The following TNKS variants were observed in gnomAD, a reference collection of about 807,000 sequenced individuals.
The protein encoded by TNKS is tankyrase, also known as poly [ADP-ribose] polymerase tankyrase-1.
In TNKS, 72 loss-of-function variants were observed where a neutral mutation model predicts 135.8. The observed-to-expected ratio is 0.53, with a 90% CI of 0.44 to 0.64. The LOEUF (loss-of-function observed/expected upper bound fraction) is 0.64. TNKS is among the 30% of genes least tolerant of loss of function. TNKS has a pLI of 0.00. For synonymous variants in TNKS, 849 were observed against 649.3 expected (o/e 1.31, Z -4.68); for missense variants, 1,769 against 1,674.0 (o/e 1.06, Z -0.99).
rs1344371806 is a variant in TNKS, at chr8:9,684,298, G to T, written c.1107+3498G>T. 2.0e-5 allele frequency among the ~76,000 whole-genome samples: 3 copies of T among 151,930 alleles called. No individual in the cohort carries two copies. In the East Asian group the frequency reaches 5.8e-4, roughly 29 times the overall value. ...ATGTTTTATTAGCTATTATCCACAT[G>T]TTCTGGCCTTGTTTGATATCTAAAT... On this transcript the variant is annotated intron_variant, in intron 5 of 26. Coordinates refer to ENST00000310430, the MANE Select transcript of TNKS (RefSeq NM_003747.3).
intron 2 of TNKS, among the ~76,000 whole-genome samples, chr8:9,598,715 G>C (rs1240154653): frequency 7.6e-6 from 1 of 130,720 alleles, no homozygotes; most frequent in Non-Finnish European, 1.6e-5. Context: ...ATGTGTGTGT[G>C]TGTGTGTGTG....
intron 3 of TNKS, among the ~76,000 whole-genome samples, chr8:9,636,458 T>G (rs1754992624): frequency 6.6e-6 from 1 of 152,182 alleles, no homozygotes; most frequent in South Asian, 2.1e-4. Context: ...TTTCTTTACA[T>G]TTTACTTCTA....
chr8:9,570,243 C>T lies in TNKS; in HGVS notation c.674-9916C>T, dbSNP rs556960327. Among the ~76,000 whole-genome samples, 12 of 152,152 alleles carry T rather than the reference C, an allele frequency of 7.9e-5. No homozygotes were observed. The South Asian group carries it at 1.0e-3, about 13-fold the overall frequency. Reference sequence around the variant, plus strand: ...TTGCTTGAGCCCAGGAGTTTGAGACCAGCCTGGGCAATAAAGCGAGATCCC... The same window carrying T: ...TTGCTTGAGCCCAGGAGTTTGAGACTAGCCTGGGCAATAAAGCGAGATCCC... On this transcript the variant is annotated intron_variant, in intron 1 of 26. Coordinates refer to ENST00000310430, the MANE Select transcript of TNKS (RefSeq NM_003747.3).
At chr8:9,566,330 GT>G (rs1797538192) in intron 1 of TNKS, 1 of 152,086 alleles carries the variant, frequency 6.6e-6, no homozygotes, top group African/African-American at 2.4e-5. Flanking sequence ...GCTATCAAAA[GT>G]TGTCTGCCTC....
chr8:9,715,342 A>G (rs1804550036), intron 11 of TNKS, among the ~76,000 whole-genome samples: 1 of 133,818 alleles, frequency 7.5e-6, no homozygotes, highest in Admixed American at 7.6e-5. Context: ...TAGCAAGGAA[A>G]GAGGTTGTAC....
At chr8:9,580,568 A>G (rs1563400963) in intron 2 of TNKS, among the ~76,000 whole-genome samples, 185 bp downstream of exon 2, 1 of 152,230 alleles carries the variant, frequency 6.6e-6, no homozygotes, top group Non-Finnish European at 1.5e-5. Flanking sequence ...AAGACTCACA[A>G]CATTAACTTT....
chr8:9,725,325 A>T (rs1805111281), intron 12 of TNKS, among the ~76,000 whole-genome samples: 1 of 152,232 alleles, frequency 6.6e-6, no homozygotes, highest in South Asian at 2.1e-4. Flanking sequence ...ATTTCCACAA[A>T]TTAAAATGTA....
chr8:9,726,563 T>C (rs773721098), intron 12 of TNKS, 78 bp from the exon 13 acceptor site: 4 of 1,098,858 alleles, frequency 3.6e-6, no homozygotes, highest in Non-Finnish European at 3.9e-6. Flanking sequence ...TCAAGAACCA[T>C]TTTTGTTTCC....
Position 9,735,380 on chromosome 8 carries a change from G to A in TNKS, c.2537G>A (p.Gly846Asp). ...GTATTTTTTTTACTCTAAATAGCAG[G>A]CTATAATAACCTGGAAGTAGCTGAA... ...RNSTPLHLAA[G>D]YNNLEVAEYL... Residue 846 changes from glycine to aspartate, a missense_variant, in exon 17 of 27, where the codon GGC becomes GAC. Physicochemically the swap from Gly to Asp is moderately conservative, Grantham distance 94. Transcript: ENST00000310430. 6.2e-7 allele frequency: 1 copy of A among 1,613,308 alleles called. No individual in the cohort carries two copies. The highest frequency in any genetic ancestry group is 8.5e-7 in the Non-Finnish European group (1 of 1,179,470).
At chr8:9,734,500 G>T (rs902517036) in intron 15 of TNKS, among the ~76,000 whole-genome samples, 1 of 151,974 alleles carries the variant, frequency 6.6e-6, no homozygotes. Context: ...TACCTACTGA[G>T]TATCTTTATG....
intron 3 of TNKS, among the ~76,000 whole-genome samples, chr8:9,620,040 C>G (rs1585239342): frequency 6.6e-6 from 1 of 151,872 alleles, no homozygotes; most frequent in Non-Finnish European, 1.5e-5. Flanking sequence ...ACCTCCGCCT[C>G]CCGGGTTTAA....
intron 26 of TNKS, 74 bp downstream of exon 26, chr8:9,770,336 G>A (rs564178323): frequency 6.9e-7 from 1 of 1,453,554 alleles, no homozygotes; most frequent in African/African-American, 1.4e-5. Flanking sequence ...TGTAAGACTT[G>A]AGACACTTTT....
intron 20 of TNKS, among the ~76,000 whole-genome samples, chr8:9,760,097 A>G (rs192233348): frequency 3.9e-5 from 6 of 152,362 alleles, no homozygotes; most frequent in African/African-American, 1.4e-4. Flanking sequence ...TTTAGAAGAA[A>G]AAAATGGGAC....
At chr8:9,659,841 G>C (rs189506758) in intron 3 of TNKS, among the ~76,000 whole-genome samples, 2 of 151,944 alleles carry the variant, frequency 1.3e-5, no homozygotes, top group Admixed American at 6.6e-5. Flanking sequence ...AACCGCTAGC[G>C]AGACTAATAA....
At chr8:9,687,799 T>A (rs1225890489) in intron 5 of TNKS, among the ~76,000 whole-genome samples, 2 of 152,238 alleles carry the variant, frequency 1.3e-5, no homozygotes, top group African/African-American at 4.8e-5. Context: ...TGGTACTAAA[T>A]CCTTTGGCCG....
intron 3 of TNKS, among the ~76,000 whole-genome samples, chr8:9,655,895 A>G: frequency 6.6e-6 from 1 of 152,238 alleles, no homozygotes; most frequent in Non-Finnish European, 1.5e-5. Context: ...TGGACGGAGA[A>G]TGGCCTTGAT....
At chr8:9,652,694 A>G (rs1022946536) in intron 3 of TNKS, among the ~76,000 whole-genome samples, 1 of 152,212 alleles carries the variant, frequency 6.6e-6, no homozygotes, top group Non-Finnish European at 1.5e-5. Flanking sequence ...ATAAGAAACA[A>G]TTGTTAGTAA....
intron 26 of TNKS, among the ~76,000 whole-genome samples, chr8:9,770,674 A>G (rs983665875): frequency 6.6e-6 from 1 of 152,252 alleles, no homozygotes; most frequent in Non-Finnish European, 1.5e-5. Flanking sequence ...TGAACTTCAA[A>G]TGAATACCAT....
chr8:9,760,118 T>A (rs561641213), intron 20 of TNKS, among the ~76,000 whole-genome samples: 1 of 152,164 alleles, frequency 6.6e-6, no homozygotes, highest in Non-Finnish European at 1.5e-5. Context: ...ATCAATAACA[T>A]AGTTTCCAAA....
Sources: gnomAD v4.1 joint callset for allele counts (sites outside exome capture counted in the v4.1 genomes callset) on GRCh38, gnomAD v4.1.1 for gene constraint, MANE v1.5 for transcripts, NCBI Gene and HGNC (gene_info 2026-07-23, HGNC 2026-07-21) for gene names.